The following AVL9 variants were observed in gnomAD, a reference collection of about 807,000 sequenced individuals.
AVL9 encodes AVL9 cell migration associated.
A neutral mutation model predicts 79.2 loss-of-function variants in AVL9; 49 were observed. The observed-to-expected ratio is 0.62, with a 90% CI of 0.49 to 0.79. The LOEUF (loss-of-function observed/expected upper bound fraction) is 0.79, where lower values mean the gene tolerates loss of function less well. Among genes scored for constraint, AVL9 ranks in the 30% least tolerant of loss-of-function variants. The pLI is 0.00. For synonymous variants in AVL9, 299 were observed against 280.6 expected (o/e 1.07, Z -0.65); for missense variants, 682 against 776.8 (o/e 0.88, Z 1.45).
chr7:32,507,929 T>C (rs1787482159), intron 1 of AVL9, among the ~76,000 whole-genome samples: 1 of 152,244 alleles, frequency 6.6e-6, no homozygotes, highest in Non-Finnish European at 1.5e-5. Context: ...TGGTGGGGTA[T>C]GTAGTGTCAT....
chr7:32,546,588 C>T (rs186081871), intron 3 of AVL9, among the ~76,000 whole-genome samples: 1,963 of 152,150 alleles, frequency 0.013, 19 homozygotes, highest in Non-Finnish European at 0.02. Context: ...TTTGGGAGGC[C>T]AAGGCGGGCG....
chr7:32,542,153 T>C (rs1364837964), intron 1 of AVL9, among the ~76,000 whole-genome samples: 2 of 150,122 alleles, frequency 1.3e-5, no homozygotes, highest in Admixed American at 6.8e-5. Context: ...GGTGGTGATA[T>C]CAAGGGTGGG....
At chr7:32,560,441 C>T (rs1286952262) in intron 10 of AVL9, among the ~76,000 whole-genome samples, 1 of 152,104 alleles carries the variant, frequency 6.6e-6, no homozygotes, top group African/African-American at 2.4e-5. Context: ...TCACAAGAAA[C>T]CACTCTCCTT....
chr7:32,579,476 AT>A lies in AVL9; in HGVS notation c.1689-741del, dbSNP rs1173806541. On this transcript the variant is annotated intron_variant, in intron 13 of 15. Coordinates refer to ENST00000318709, the MANE Select transcript of AVL9 (RefSeq NM_015060.3). ...TTATATATTATATATAATATATTAT[AT>A]TATATATAATATATTACATATTATA... Among the ~76,000 whole-genome samples the A allele has an allele frequency of 1.2e-3, 12 of 10,348 alleles. 2 individuals are homozygous for A. Among genetic ancestry groups the A allele is most frequent in the Admixed American group, 2.3e-3 (1 of 444 alleles). 6.8% of individuals were successfully genotyped at this position (10,348 alleles called of 152,430 possible). A position where few individuals can be genotyped will look rare whatever the true frequency, so the allele number is the denominator to read the frequency against.
At position 32,548,917 on chromosome 7, in the gene AVL9, T is replaced by TG; in HGVS notation, c.372+1dup. The TG allele has an allele frequency of 6.4e-7, 1 of 1,558,086 alleles. No individual in the cohort carries two copies. The highest frequency in any genetic ancestry group is 8.7e-7 in the Non-Finnish European group (1 of 1,154,374). On this transcript the variant is annotated frameshift_variant and splice_region_variant, in exon 4 of 16. Coordinates refer to ENST00000318709, the MANE Select transcript of AVL9 (RefSeq NM_015060.3). LOFTEE classifies it high-confidence loss of function. Reference sequence around the variant, plus strand: ...AAAAGTGTCTGTGTTCTAAGCAAGCTGGTAAGAGACGAAGTAACTTGTTCA... The same window carrying TG: ...AAAAGTGTCTGTGTTCTAAGCAAGCTGGGTAAGAGACGAAGTAACTTGTTCA...
At chr7:32,548,144 C>CTCTCTTTTTTTTTTT (rs1227025763) in intron 3 of AVL9, among the ~76,000 whole-genome samples, 5 of 57,590 alleles carry the variant, frequency 8.7e-5, no homozygotes, top group African/African-American at 2.7e-4. Flanking sequence ...TTTGTCATCT[C>CTCTCTTTTTTTTTTT]TTTTTTCTTT....
At position 32,580,864 on chromosome 7, in the gene AVL9, ATG is replaced by A; in HGVS notation, c.1807_1808del (p.Val603CysfsTer39). On this transcript the variant is annotated frameshift_variant, in exon 15 of 16. Transcript: ENST00000318709. LOFTEE classifies it high-confidence loss of function. ...AACGTCATGGTCACAACTAGCCGGA[ATG>A]TTGTACAAACAGGAAAAGCTGTTGG... The A allele has an allele frequency of 1.9e-6, 3 of 1,613,944 alleles. No homozygotes were observed. Among genetic ancestry groups the A allele is most frequent in the Non-Finnish European group, 2.5e-6 (3 of 1,179,914 alleles).
At chr7:32,556,638 T>TA (rs1230373326) in intron 8 of AVL9, among the ~76,000 whole-genome samples, 2 of 152,202 alleles carry the variant, frequency 1.3e-5, no homozygotes, top group Non-Finnish European at 2.9e-5. Flanking sequence ...ATTTAATTTC[T>TA]AAAATTGTGA....
In AVL9 at chr7:32,559,328, A is replaced by G. The variant is rs749860284; in HGVS notation, c.1079A>G (p.Lys360Arg). ...TCAGACCAGACAAATTTGTTTCCAAAGGACTCTGTCCCCTCAGAGAGTCTT... is the reference window on the plus strand; with the variant it reads ...TCAGACCAGACAAATTTGTTTCCAAGGGACTCTGTCCCCTCAGAGAGTCTT... ...LGSDQTNLFP[K>R]DSVPSESLPI... The change falls in exon 10 of 16, where the codon AAG (lysine) becomes AGG (arginine). Residue 360 changes from lysine (K) to arginine (R), a missense_variant. Transcript: ENST00000318709. 9.9e-6 allele frequency: 16 copies of G among 1,614,094 alleles called. No homozygotes were observed. The East Asian group carries it at 2.7e-4, about 27-fold the overall frequency.
chr7:32,555,212 A>G (rs1314615389), intron 8 of AVL9, among the ~76,000 whole-genome samples: 1 of 152,080 alleles, frequency 6.6e-6, no homozygotes, highest in Non-Finnish European at 1.5e-5. Flanking sequence ...GTGTGGTGGC[A>G]TGTGCCTGTA....
At position 32,554,585 on chromosome 7, in the gene AVL9, CT is replaced by C. The variant is rs1489771932; in HGVS notation, c.600del (p.Glu201LysfsTer11). On this transcript the variant is annotated frameshift_variant, in exon 8 of 16. Transcript: ENST00000318709. LOFTEE classifies it high-confidence loss of function. ...CTTAATCCTATTTAAGCTAATTCTTCTTGAAAAAAAGGTACGATCCTAAGGG... is the reference window on the plus strand; with the variant it reads ...CTTAATCCTATTTAAGCTAATTCTTCTGAAAAAAAGGTACGATCCTAAGGG... ...KVLILFKLILLEKKVLFYISP... is the reference protein window; with the variant it reads ...KVLILFKLILXEKKVLFYISP... 1 of 1,522,328 alleles carries C rather than the reference CT, an allele frequency of 6.6e-7. No homozygotes were observed. Among genetic ancestry groups the C allele is most frequent in the East Asian group, 2.4e-5 (1 of 41,532 alleles). 94.3% of individuals were successfully genotyped at this position (1,522,328 alleles called of 1,614,324 possible).
intron 1 of AVL9, among the ~76,000 whole-genome samples, chr7:32,497,873 G>A (rs138631510): frequency 6.6e-6 from 1 of 152,026 alleles, no homozygotes; most frequent in Non-Finnish European, 1.5e-5. Context: ...GGATGGTCTC[G>A]ATCTCCTTAC....
chr7:32,522,878 TCA>T (rs1183270672), intron 1 of AVL9, among the ~76,000 whole-genome samples: 1 of 152,116 alleles, frequency 6.6e-6, no homozygotes, highest in Non-Finnish European at 1.5e-5. Flanking sequence ...TGAATAAGTC[TCA>T]CAAGCTCTGA....
Position 32,529,926 on chromosome 7 carries a change from A to G in AVL9, c.94-13215A>G, listed in dbSNP as rs1788572919. ...TCTTTTGTGTCTTTTTTCTCTTAGTATTATGTCTGAGATTGGTCCATGTTG... is the reference window on the plus strand; with the variant it reads ...TCTTTTGTGTCTTTTTTCTCTTAGTGTTATGTCTGAGATTGGTCCATGTTG... On this transcript the variant is annotated intron_variant, in intron 1 of 15. Coordinates refer to ENST00000318709, the MANE Select transcript of AVL9 (RefSeq NM_015060.3). 2.6e-5 allele frequency among the ~76,000 whole-genome samples: 4 copies of G among 152,166 alleles called. No homozygotes were observed. In the South Asian group the frequency reaches 8.3e-4, roughly 32 times the overall value.
rs1554345908 is a variant in AVL9 at position 32,570,060 on chromosome 7, A to G, written c.1256A>G (p.His419Arg). 5 of 1,614,204 alleles carry G rather than the reference A, an allele frequency of 3.1e-6. No homozygotes were observed. The highest frequency in any genetic ancestry group is 3.4e-6 in the Non-Finnish European group (4 of 1,180,020). Residue 419 changes from histidine to arginine, a missense_variant, in exon 11 of 16, where the codon CAT becomes CGT. His to Arg is a conservative substitution (Grantham distance 29, BLOSUM62 0). Coordinates refer to ENST00000318709, the MANE Select transcript of AVL9 (RefSeq NM_015060.3). ...CLPYMALQQH[H>R]LLSDVTVRGF... Reference sequence around the variant, plus strand: ...CCTTACATGGCATTGCAGCAGCATCATCTTCTCTCCGATGTCACCGTTCGG... The same window carrying G: ...CCTTACATGGCATTGCAGCAGCATCGTCTTCTCTCCGATGTCACCGTTCGG...
At chr7:32,544,974 A>G (rs1456661557) in intron 3 of AVL9, among the ~76,000 whole-genome samples, 195 bp downstream of exon 3, 1 of 152,208 alleles carries the variant, frequency 6.6e-6, no homozygotes, top group Non-Finnish European at 1.5e-5. Context: ...CTATGCTTAT[A>G]TTTGTATCAC....
intron 11 of AVL9, among the ~76,000 whole-genome samples, chr7:32,571,831 T>C (rs552606573): frequency 6.6e-5 from 10 of 152,338 alleles, no homozygotes; most frequent in Non-Finnish European, 1.2e-4. Context: ...GTACGTTACA[T>C]GTATTTTTTA....
intron 1 of AVL9, among the ~76,000 whole-genome samples, chr7:32,526,942 C>A (rs947572618): frequency 3.9e-5 from 6 of 152,178 alleles, no homozygotes; most frequent in Admixed American, 6.5e-5. Flanking sequence ...GAGGCTGCAT[C>A]CCATCCTCCC....
chr7:32,519,665 G>C (rs1399212593), intron 1 of AVL9, among the ~76,000 whole-genome samples: 1 of 152,042 alleles, frequency 6.6e-6, no homozygotes, highest in African/African-American at 2.4e-5. Flanking sequence ...AAGTAAAAAA[G>C]TATAAAAGAA....
Sources: gnomAD v4.1 joint callset for allele counts (sites outside exome capture counted in the v4.1 genomes callset) on GRCh38, gnomAD v4.1.1 for gene constraint, MANE v1.5 for transcripts, NCBI Gene and HGNC (gene_info 2026-07-23, HGNC 2026-07-21) for gene names.